The following MANBA variants were observed in gnomAD, a reference collection of about 807,000 sequenced individuals.
The protein encoded by MANBA is mannosidase beta, also known as beta-mannosidase.
In MANBA, 83 loss-of-function variants were observed where a neutral mutation model predicts 111.1. That is an observed-to-expected ratio of 0.75 (90% confidence interval 0.63 to 0.90). MANBA has a LOEUF of 0.90. Ranked by LOEUF, MANBA falls within the 40% of genes least tolerant of loss-of-function variation. The pLI, the probability that MANBA is intolerant of heterozygous loss-of-function variation, is 0.00. For synonymous variants in MANBA, 370 were observed against 378.7 expected (o/e 0.98, Z 0.27); for missense variants, 1,036 against 1,069.0 (o/e 0.97, Z 0.43).
chr4:102,686,005 A>G (rs747647971), intron 7 of MANBA, among the ~76,000 whole-genome samples: 15 of 152,142 alleles, frequency 9.9e-5, no homozygotes, highest in Non-Finnish European at 2.1e-4. Context: ...ACTTCCTGGA[A>G]CAGCAAGATA....
intron 5 of MANBA, among the ~76,000 whole-genome samples, chr4:102,714,000 G>A (rs1383748856): frequency 6.6e-6 from 1 of 151,658 alleles, no homozygotes; most frequent in Non-Finnish European, 1.5e-5. Flanking sequence ...CAGGGCCCTT[G>A]TGTCAGGGCC....
At chr4:102,639,437 G>A (rs1729770357) in intron 14 of MANBA, among the ~76,000 whole-genome samples, 1 of 152,150 alleles carries the variant, frequency 6.6e-6, no homozygotes, top group African/African-American at 2.4e-5. Flanking sequence ...CAAGACACAT[G>A]GCTGAGACTT....
In MANBA at chr4:102,760,789, C is replaced by G. The variant is rs762853410; in HGVS notation, c.106G>C (p.Gly36Arg). 6.4e-6 allele frequency: 10 copies of G among 1,554,956 alleles called. No individual in the cohort carries two copies. In the South Asian group the frequency reaches 1.1e-4, roughly 17 times the overall value. ...ACCGCCCCGGGCAGCTCCAGCGAGC[C>G]GTTCCCATTGCAGATGCTCCAGTTG... is the stretch of plus-strand genomic sequence containing the variant. ...RGNWSICNGN[G>R]SLELPGAVPG... The change falls in exon 1 of 17, where the codon GGC becomes CGC. Residue 36 changes from glycine (G) to arginine (R), a missense_variant. Coordinates refer to ENST00000647097, the MANE Select transcript of MANBA (RefSeq NM_005908.4).
chr4:102,728,343 T>C (rs1473407903), intron 1 of MANBA: 4 of 533,330 alleles, frequency 7.5e-6, no homozygotes, highest in Non-Finnish European at 1.5e-5. Flanking sequence ...AGGATTCTGT[T>C]CACTCTCTGC....
At chr4:102,698,534 T>A (rs1416910360) in intron 5 of MANBA, among the ~76,000 whole-genome samples, 1 of 147,170 alleles carries the variant, frequency 6.8e-6, no homozygotes, top group East Asian at 2.0e-4. Context: ...GATTTTTGTA[T>A]AAGGTGTAAG....
At chr4:102,750,069 G>A (rs1207403577) in intron 1 of MANBA, among the ~76,000 whole-genome samples, 2 of 152,116 alleles carry the variant, frequency 1.3e-5, no homozygotes, top group African/African-American at 4.8e-5. Flanking sequence ...CAGAAATTGA[G>A]CAACATTATT....
chr4:102,686,143 C>T (rs189617241), intron 7 of MANBA, among the ~76,000 whole-genome samples: 1 of 152,238 alleles, frequency 6.6e-6, no homozygotes, highest in African/African-American at 2.4e-5. Context: ...CCACTCTTCC[C>T]AGGCGCTCTG....
chr4:102,646,813 A>T (rs1730124547), intron 13 of MANBA, among the ~76,000 whole-genome samples: 1 of 152,134 alleles, frequency 6.6e-6, no homozygotes, highest in South Asian at 2.1e-4. Context: ...TTATCCTGGA[A>T]TACTAGGAGA....
Position 102,634,840 on chromosome 4 carries a change from T to C in MANBA, c.2363A>G (p.His788Arg). 6.2e-7 allele frequency: 1 copy of C among 1,614,050 alleles called. No individual in the cohort carries two copies. The highest frequency in any genetic ancestry group is 8.5e-7 in the Non-Finnish European group (1 of 1,180,010). The change falls in exon 16 of 17, where the codon CAC (histidine) becomes CGC (arginine). Residue 788 changes from histidine (H) to arginine (R), a missense_variant. By Grantham distance (29) the His-to-Arg change is conservative. Coordinates refer to ENST00000647097, the MANE Select transcript of MANBA (RefSeq NM_005908.4). Reference sequence around the variant, plus strand: ...GGCCTCCTTCGGTGAGGACAAGAAGTGGTAGTTGGTCGGGCTCAGGAGTTC... The same window carrying C: ...GGCCTCCTTCGGTGAGGACAAGAAGCGGTAGTTGGTCGGGCTCAGGAGTTC... ...DHELLSPTNY[H>R]FLSSPKEAVG...
At chr4:102,707,048 G>A (rs1460679819) in intron 5 of MANBA, among the ~76,000 whole-genome samples, 1 of 152,136 alleles carries the variant, frequency 6.6e-6, no homozygotes, top group Non-Finnish European at 1.5e-5. Context: ...AGTCTGGCAA[G>A]AGATTTAATA....
intron 2 of MANBA, among the ~76,000 whole-genome samples, chr4:102,725,985 A>G (rs7677599): frequency 0.015 from 2,284 of 152,284 alleles, 56 homozygotes; most frequent in African/African-American, 0.049. Context: ...AACCATTACG[A>G]AAGATATTCT....
Position 102,729,388 on chromosome 4 carries a change from T to G in MANBA, c.178-2705A>C, listed in dbSNP as rs564068210. 35 of 850,968 alleles carry G rather than the reference T, an allele frequency of 4.1e-5. No homozygotes were observed. The South Asian group carries it at 4.6e-4, about 11-fold the overall frequency. The allele number at this position is 850,968 out of a possible 1,614,324, so 52.7% of individuals were successfully genotyped here. On this transcript the variant is annotated intron_variant, in intron 1 of 16. Transcript: ENST00000647097. ...GATCTCCTCGTATGGTGCCTTGACCTCAGCGATGATGCTGTTCATGCCCAG... is the reference window on the plus strand; with the variant it reads ...GATCTCCTCGTATGGTGCCTTGACCGCAGCGATGATGCTGTTCATGCCCAG...
At chr4:102,753,505 G>C (rs1292425844) in intron 1 of MANBA, among the ~76,000 whole-genome samples, 1 of 152,100 alleles carries the variant, frequency 6.6e-6, no homozygotes, top group Non-Finnish European at 1.5e-5. Flanking sequence ...GCGGACAAAA[G>C]AGAAATTCTT....
At chr4:102,755,268 T>C (rs905971305) in intron 1 of MANBA, among the ~76,000 whole-genome samples, 2 of 152,120 alleles carry the variant, frequency 1.3e-5, no homozygotes, top group South Asian at 2.1e-4. Context: ...GGTACCAAAA[T>C]AGAGATATAG....
chr4:102,664,333 T>C (rs545718434), intron 11 of MANBA, among the ~76,000 whole-genome samples: 34 of 150,734 alleles, frequency 2.3e-4, no homozygotes, highest in African/African-American at 7.3e-4. Flanking sequence ...TTCAAACTTA[T>C]CCACTTTAAA....
At chr4:102,653,355 T>C (rs1277226936) in intron 12 of MANBA, among the ~76,000 whole-genome samples, 1 of 152,018 alleles carries the variant, frequency 6.6e-6, no homozygotes, top group Admixed American at 6.6e-5. Flanking sequence ...ATACAGATAA[T>C]GAATGGCAGC....
At chr4:102,634,691 G>T (rs1003601592) in intron 16 of MANBA, 97 bp downstream of exon 16, 65 of 1,519,804 alleles carry the variant, frequency 4.3e-5, no homozygotes, top group Non-Finnish European at 5.7e-5. Flanking sequence ...GCACCAAGGG[G>T]GACACATGCA....
intron 1 of MANBA, chr4:102,729,124 G>T: frequency 1.4e-6 from 1 of 733,446 alleles, no homozygotes; most frequent in East Asian, 2.7e-5. Context: ...ACAGCTTGGC[G>T]TTGGCATCCT....
chr4:102,656,949 C>T (rs958111458), intron 12 of MANBA, among the ~76,000 whole-genome samples: 1 of 152,032 alleles, frequency 6.6e-6, no homozygotes, highest in African/African-American at 2.4e-5. Context: ...GGAGTGGTTG[C>T]TAATGGGTTC....
Sources: gnomAD v4.1 joint callset for allele counts (sites outside exome capture counted in the v4.1 genomes callset) on GRCh38, gnomAD v4.1.1 for gene constraint, MANE v1.5 for transcripts, NCBI Gene and HGNC (gene_info 2026-07-23, HGNC 2026-07-21) for gene names.